The following ABCA7 variants were observed in gnomAD, a reference collection of about 807,000 sequenced individuals.
ABCA7 encodes the protein phospholipid-transporting ATPase ABCA7.
ABCA7 carries 261 observed loss-of-function variants against 227.6 expected under a neutral mutation model. The ratio of observed to expected loss-of-function variants is 1.15; its 90% CI spans 1.04 to 1.27. The LOEUF is 1.27. Among genes scored for constraint, ABCA7 ranks in the 50% most tolerant of loss-of-function variants. The pLI is 0.00. For missense variants in ABCA7, 3,331 were observed against 2,924.5 expected, an observed-to-expected ratio of 1.14 and a Z score of -3.21; for synonymous variants, 1,488 against 1,279.7, an observed-to-expected ratio of 1.16 and a Z score of -3.47.
At chr19:1,045,939 G>A (rs2040595120) in intron 12 of ABCA7, among the ~76,000 whole-genome samples, 1 of 152,194 alleles carries the variant, frequency 6.6e-6, no homozygotes, top group South Asian at 2.1e-4. Context: ...CCCAGGAGGC[G>A]GAGGTTGCAG....
chr19:1,060,466 C>T (rs1193738310), intron 40 of ABCA7, among the ~76,000 whole-genome samples: 1 of 151,812 alleles, frequency 6.6e-6, no homozygotes, highest in Non-Finnish European at 1.5e-5. Context: ...CCACCTTGGC[C>T]TCCGAAAGTT....
chr19:1,046,581 G>T (rs1235516481), intron 13 of ABCA7, among the ~76,000 whole-genome samples, 175 bp downstream of exon 13: 4 of 87,152 alleles, frequency 4.6e-5, no homozygotes, highest in South Asian at 3.2e-4. Flanking sequence ...AGGGTCTGGT[G>T]GGGGGGGGGA....
chr19:1,041,346 C>G lies in ABCA7; in HGVS notation c.-16C>G. The G allele has an allele frequency of 3.1e-6, 5 of 1,613,908 alleles. No homozygotes were observed. The highest frequency in any genetic ancestry group is 2.2e-5 in the East Asian group (1 of 44,886). On this transcript the variant is annotated 5_prime_UTR_variant, in exon 2 of 47. Coordinates refer to ENST00000263094, the MANE Select transcript of ABCA7 (RefSeq NM_019112.4). ...TTGTCCTGACCTCTCTGTCCCGTCC[C>G]CTGCCCAGTCTCACCATGGCCTTCT...
chr19:1,054,168 G>A lies in ABCA7; in HGVS notation c.3578-25G>A. The A allele has an allele frequency of 2.5e-6, 4 of 1,611,662 alleles. No individual in the cohort carries two copies. Among genetic ancestry groups the A allele is most frequent in the South Asian group, 2.2e-5 (2 of 90,954 alleles). ...CAGCCACCCCCCCACAGCAGCGTGAGCACTGACCCTCTCATCCCTCACAGC... is the reference window on the plus strand; with the variant it reads ...CAGCCACCCCCCCACAGCAGCGTGAACACTGACCCTCTCATCCCTCACAGC... On this transcript the variant is annotated intron_variant, in intron 26 of 46. Transcript: ENST00000263094. This position sits in a 1 kb window ranked among gnomAD's most constrained non-coding sequence, Gnocchi z 4.8.
At chr19:1,051,643 T>G (rs2041642405) in intron 21 of ABCA7, 57 bp downstream of exon 21, 2 of 1,537,336 alleles carry the variant, frequency 1.3e-6, no homozygotes, top group South Asian at 2.3e-5. Flanking sequence ...AAGGAAGTGC[T>G]GGGGATGGGG....
Position 1,054,608 on chromosome 19 carries a change from G to A in ABCA7, c.3765G>A (p.Val1255=). 1 of 1,613,210 alleles carries A rather than the reference G, an allele frequency of 6.2e-7. No homozygotes were observed. Residue 1255 remains valine (V), a synonymous_variant, in exon 28 of 47, where the codon GTG becomes GTA. Transcript: ENST00000263094. This position sits in a 1 kb window ranked among gnomAD's most constrained non-coding sequence, Gnocchi z 4.8. ...LPALFVGLAL[V]FSLIVPPFGH... ...CCCTCTTTGTGGGCCTGGCCCTCGT[G>A]TTCAGCCTCATCGTGCCTCCTTTCG...
intron 23 of ABCA7, among the ~76,000 whole-genome samples, chr19:1,052,940 C>T (rs908083459): frequency 6.6e-6 from 1 of 152,132 alleles, no homozygotes; most frequent in Non-Finnish European, 1.5e-5. Flanking sequence ...GTCGCCCAGG[C>T]TGTAGTGCAG....
At chr19:1,040,665 C>T (rs2039939618) in intron 1 of ABCA7, among the ~76,000 whole-genome samples, 1 of 152,186 alleles carries the variant, frequency 6.6e-6, no homozygotes, top group Admixed American at 6.5e-5. Flanking sequence ...CTCCAGGAGT[C>T]TCTATCCCAG....
intron 40 of ABCA7, among the ~76,000 whole-genome samples, chr19:1,060,704 G>A (rs2042600484): frequency 6.6e-6 from 1 of 151,950 alleles, no homozygotes. Context: ...ATTTTTAGTA[G>A]AGATGGGGTT....
Position 1,051,146 on chromosome 19 carries a change from T to C in ABCA7, c.2685-9T>C, listed in dbSNP as rs1488332137. 2 of 1,611,202 alleles carry C rather than the reference T, an allele frequency of 1.2e-6. No individual in the cohort carries two copies. The highest frequency in any genetic ancestry group is 1.3e-5 in the African/African-American group (1 of 75,036). On this transcript the variant is annotated splice_polypyrimidine_tract_variant and intron_variant, in intron 19 of 46. Coordinates refer to ENST00000263094, the MANE Select transcript of ABCA7 (RefSeq NM_019112.4). The stretch of plus-strand genomic sequence containing the variant: ...ATGTGGGTCACTCTGCTCTGTGCAC[T>C]GGCCGCAGGCTGACCGTGGACGAGC...
At chr19:1,048,824 CAA>C in intron 16 of ABCA7, 69 bp from the exon 17 acceptor site, 2 of 587,100 alleles carry the variant, frequency 3.4e-6, no homozygotes, top group Non-Finnish European at 2.5e-6. Context: ...AAAAAAAAAA[CAA>C]AACCCCAAAA....
chr19:1,060,024 A>G (rs2094645033), intron 40 of ABCA7, among the ~76,000 whole-genome samples: 1 of 152,138 alleles, frequency 6.6e-6, no homozygotes. Flanking sequence ...TTGTATACAC[A>G]TCTACATCAA....
Position 1,041,565 on chromosome 19 carries a change from C to T in ABCA7, c.122C>T (p.Ala41Val). 6.2e-7 allele frequency: 1 copy of T among 1,613,054 alleles called. No individual in the cohort carries two copies. The highest frequency in any genetic ancestry group is 8.5e-7 in the Non-Finnish European group (1 of 1,180,030). The change falls in exon 3 of 47, where the codon GCT becomes GTT. Residue 41 changes from alanine (A) to valine (V), a missense_variant. Coordinates refer to ENST00000263094, the MANE Select transcript of ABCA7 (RefSeq NM_019112.4). ...CTCTTCCTCTTCTTCATCCTGGTGG[C>T]TGTTCGCCACTCCCACCCGCCCCTG... is the stretch of plus-strand genomic sequence containing the variant. ...WPLFLFFILVAVRHSHPPLEH... is the reference protein window; with the variant it reads ...WPLFLFFILVVVRHSHPPLEH...
intron 14 of ABCA7, 63 bp downstream of exon 14, chr19:1,047,087 G>T: frequency 6.4e-7 from 1 of 1,552,934 alleles, no homozygotes; most frequent in Non-Finnish European, 8.7e-7. Flanking sequence ...AGACAGGGGC[G>T]GCCCCACGTG....
Position 1,047,212 on chromosome 19 carries a change from C to T in ABCA7, c.1901C>T (p.Ala634Val), listed in dbSNP as rs753636131. The part of the protein sequence containing the change: ...HPGVVFLFLA[A>V]FAVATVTQSF... Reference sequence around the variant, plus strand: ...GGCGTGGTCTTCCTGTTCTTGGCAGCCTTCGCGGTGGCCACGGTGACCCAG... The same window carrying T: ...GGCGTGGTCTTCCTGTTCTTGGCAGTCTTCGCGGTGGCCACGGTGACCCAG... Residue 634 changes from alanine (A) to valine (V), a missense_variant, in exon 15 of 47, where the codon GCC becomes GTC. Physicochemically the swap from Ala to Val is moderately conservative, Grantham distance 64. Coordinates refer to ENST00000263094, the MANE Select transcript of ABCA7 (RefSeq NM_019112.4). 5 of 1,608,976 alleles carry T rather than the reference C, an allele frequency of 3.1e-6. No individual in the cohort carries two copies. Among genetic ancestry groups the T allele is most frequent in the Non-Finnish European group, 8.5e-7 (1 of 1,179,460 alleles).
chr19:1,062,216 G>T lies in ABCA7; in HGVS notation c.5615G>T (p.Cys1872Phe), dbSNP rs1391686200. ...PSAAHLSMGYCPQSDAIFELL... is the reference protein window; with the variant it reads ...PSAAHLSMGYFPQSDAIFELL... ...GCTGCGCACCTCAGCATGGGATACTGCCCTCAATCCGATGCCATCTTTGAG... is the reference window on the plus strand; with the variant it reads ...GCTGCGCACCTCAGCATGGGATACTTCCCTCAATCCGATGCCATCTTTGAG... Residue 1872 changes from cysteine (C) to phenylalanine (F), a missense_variant, in exon 42 of 47, where the codon TGC (cysteine) becomes TTC (phenylalanine). By Grantham distance (205) the Cys-to-Phe change is radical. Transcript: ENST00000263094. 2 of 1,612,300 alleles carry T rather than the reference G, an allele frequency of 1.2e-6. No individual in the cohort carries two copies. The highest frequency in any genetic ancestry group is 8.5e-7 in the Non-Finnish European group (1 of 1,179,818).
At chr19:1,055,416 G>A (rs902908246) in intron 30 of ABCA7, 65 bp downstream of exon 30, 1 of 1,476,128 alleles carries the variant, frequency 6.8e-7, no homozygotes, top group Non-Finnish European at 9.0e-7. Flanking sequence ...GCTGGGGCTG[G>A]TGTGGTCCTG....
Position 1,046,295 on chromosome 19 carries a change from T to C in ABCA7, c.1511T>C (p.Val504Ala), listed in dbSNP as rs757014353. 3.1e-6 allele frequency: 5 copies of C among 1,605,996 alleles called. No homozygotes were observed. The highest frequency in any genetic ancestry group is 4.2e-6 in the Non-Finnish European group (5 of 1,179,744). ...CTGCGCTACGTGTGGGGCGGCTTCG[T>C]GTACCTGCAAGACCTGGTGGAGCGT... The part of the protein sequence containing the change: ...TDLRYVWGGF[V>A]YLQDLVERAA... The change falls in exon 13 of 47, where the codon GTG becomes GCG. Residue 504 changes from valine to alanine, a missense_variant. By Grantham distance (64) the Val-to-Ala change is moderately conservative. Transcript: ENST00000263094.
At position 1,043,707 on chromosome 19, in the gene ABCA7, AG is replaced by A; in HGVS notation, c.931-13del. 1 of 1,609,706 alleles carries A rather than the reference AG, an allele frequency of 6.2e-7. No homozygotes were observed. The highest frequency in any genetic ancestry group is 8.5e-7 in the Non-Finnish European group (1 of 1,178,498). On this transcript the variant is annotated splice_polypyrimidine_tract_variant and intron_variant, in intron 9 of 46. Transcript: ENST00000263094. ...CAGAGGAGGAGAGGGTCATCAGTGGAGGGGGTGCTGTCCACAGGTGAACCGG... is the reference window on the plus strand; with the variant it reads ...CAGAGGAGGAGAGGGTCATCAGTGGAGGGGTGCTGTCCACAGGTGAACCGG...
Sources: allele counts gnomAD v4.1 joint callset (sites outside exome capture counted in the v4.1 genomes callset), GRCh38; gene constraint gnomAD v4.1.1; non-coding constraint Gnocchi (gnomAD v3.1); transcripts MANE v1.5; gene names NCBI Gene and HGNC (gene_info 2026-07-23, HGNC 2026-07-21).